The following GLIS1 variants were observed in gnomAD, a reference collection of about 807,000 sequenced individuals.
GLIS1 encodes the protein zinc finger protein GLIS1.
Under a neutral mutation model 63.8 loss-of-function variants are expected in GLIS1, and 24 were observed. That is an observed-to-expected ratio of 0.38 (90% confidence interval 0.27 to 0.53). The LOEUF is 0.53. GLIS1 is among the 20% of genes least tolerant of loss of function. GLIS1 has a pLI of 0.85. For missense variants in GLIS1, 1,036 were observed against 1,074.1 expected (o/e 0.96, Z 0.50); for synonymous variants, 450 against 482.5 (o/e 0.93, Z 0.88).
At chr1:53,606,435 C>T (rs142955839) in intron 2 of GLIS1, among the ~76,000 whole-genome samples, 11 of 152,302 alleles carry the variant, frequency 7.2e-5, no homozygotes, top group Admixed American at 3.9e-4. Flanking sequence ...GGAGGGGCAC[C>T]CCAGGAATCA....
At chr1:53,588,413 T>C (rs1425114939) in intron 4 of GLIS1, among the ~76,000 whole-genome samples, 1 of 152,176 alleles carries the variant, frequency 6.6e-6, no homozygotes, top group East Asian at 1.9e-4. Context: ...CTTCCCCAAC[T>C]TTCGATTATC....
chr1:53,566,796 G>A (rs1557454269), intron 4 of GLIS1, among the ~76,000 whole-genome samples: 1 of 152,056 alleles, frequency 6.6e-6, no homozygotes, highest in Non-Finnish European at 1.5e-5. Flanking sequence ...TTCACCTTCC[G>A]CCATGATTCC....
chr1:53,634,380 G>A (rs1421641087), intron 2 of GLIS1, among the ~76,000 whole-genome samples: 1 of 152,158 alleles, frequency 6.6e-6, no homozygotes, highest in Non-Finnish European at 1.5e-5. Context: ...CCCTGAGCTC[G>A]CCAATGTTTA....
At chr1:53,518,427 C>T (rs1411146466) in intron 7 of GLIS1, among the ~76,000 whole-genome samples, 5 of 152,222 alleles carry the variant, frequency 3.3e-5, no homozygotes, top group Non-Finnish European at 5.9e-5. Flanking sequence ...ACCTGGCACA[C>T]AGTCAATATG....
At chr1:53,507,264 G>T (rs1253937064) in intron 10 of GLIS1, among the ~76,000 whole-genome samples, 1 of 152,170 alleles carries the variant, frequency 6.6e-6, no homozygotes, top group Non-Finnish European at 1.5e-5. Context: ...GCCTCGCTTC[G>T]GCTCCACAAT....
rs147288253 is a variant in GLIS1, at chr1:53,666,159, T to C, written c.260-65881A>G. 6.2e-4 allele frequency among the ~76,000 whole-genome samples: 95 copies of C among 152,312 alleles called. 1 individual carries two copies. The highest frequency in any genetic ancestry group is 2.8e-4 in the Non-Finnish European group (19 of 68,020). On this transcript the variant is annotated intron_variant, in intron 2 of 10. Coordinates refer to ENST00000628545, the MANE Select transcript of GLIS1 (RefSeq NM_001367484.1). ...GCTCAAGGACCTCTGGTCTCAACACTATACTCTGCCATCCCTCACTGCTGA... is the reference window on the plus strand; with the variant it reads ...GCTCAAGGACCTCTGGTCTCAACACCATACTCTGCCATCCCTCACTGCTGA...
At chr1:53,706,830 A>C (rs1260471019) in intron 2 of GLIS1, among the ~76,000 whole-genome samples, 2 of 152,124 alleles carry the variant, frequency 1.3e-5, no homozygotes, top group African/African-American at 4.8e-5. Flanking sequence ...ATGAGCAGGA[A>C]CTCGGGGTAT....
At chr1:53,510,976 G>A (rs542209120) in intron 8 of GLIS1, among the ~76,000 whole-genome samples, 2 of 152,304 alleles carry the variant, frequency 1.3e-5, no homozygotes, top group Non-Finnish European at 2.9e-5. Context: ...GGTGCCCTGA[G>A]CCCAGCCCAG....
At chr1:53,527,035 C>A (rs931747865) in intron 5 of GLIS1, among the ~76,000 whole-genome samples, 1 of 152,228 alleles carries the variant, frequency 6.6e-6, no homozygotes, top group East Asian at 1.9e-4. Context: ...CCTGTGCAGG[C>A]CCCGTGCTGA....
Position 53,574,165 on chromosome 1 carries a change from C to T in GLIS1, c.1320+19943G>A, listed in dbSNP as rs1417637221. Among the ~76,000 whole-genome samples, 2 of 152,168 alleles carry T rather than the reference C, an allele frequency of 1.3e-5. No individual in the cohort carries two copies. Among genetic ancestry groups the T allele is most frequent in the African/African-American group, 4.8e-5 (2 of 41,434 alleles). On this transcript the variant is annotated intron_variant, in intron 4 of 10. Transcript: ENST00000628545. This position sits in a 1 kb window ranked among gnomAD's most constrained non-coding sequence, Gnocchi z 4.2. The stretch of plus-strand genomic sequence containing the variant: ...TCCTGGTTCCAAGTTCCTTCCAGGG[C>T]ACTGTCCGTGAGGCCCTCCCTGGTC...
chr1:53,714,552 C>T (rs996826214), intron 2 of GLIS1, among the ~76,000 whole-genome samples: 2 of 152,232 alleles, frequency 1.3e-5, no homozygotes, highest in African/African-American at 4.8e-5. Flanking sequence ...TTCCAGTCCA[C>T]GATGGTCTGA....
intron 2 of GLIS1, among the ~76,000 whole-genome samples, chr1:53,677,249 C>A (rs577585305): frequency 6.6e-6 from 1 of 152,320 alleles, no homozygotes; most frequent in East Asian, 1.9e-4. Flanking sequence ...TTTTCACCAA[C>A]GAACAAAATT....
chr1:53,633,239 G>A (rs1420459505), intron 2 of GLIS1, among the ~76,000 whole-genome samples: 10 of 141,634 alleles, frequency 7.1e-5, no homozygotes, highest in African/African-American at 2.6e-4. Flanking sequence ...CTGGAGGGGC[G>A]TGTGAAGGGG....
chr1:53,711,844 G>T (rs112551560), intron 2 of GLIS1, among the ~76,000 whole-genome samples: 95 of 152,312 alleles, frequency 6.2e-4, no homozygotes, highest in African/African-American at 2.0e-3. Flanking sequence ...TTGCTGTGTG[G>T]CCTTAAGCAA....
chr1:53,734,599 A>G (rs750851658), intron 2 of GLIS1, among the ~76,000 whole-genome samples: 8 of 152,236 alleles, frequency 5.3e-5, no homozygotes, highest in Non-Finnish European at 1.0e-4. Context: ...AATAACAGCC[A>G]GTATCTGCCC....
chr1:53,574,897 C>A lies in GLIS1; in HGVS notation c.1320+19211G>T. 6.6e-6 allele frequency among the ~76,000 whole-genome samples: 1 copy of A among 152,168 alleles called. No individual in the cohort carries two copies. Among genetic ancestry groups the A allele is most frequent in the Non-Finnish European group, 1.5e-5 (1 of 68,028 alleles). On this transcript the variant is annotated intron_variant, in intron 4 of 10. Coordinates refer to ENST00000628545, the MANE Select transcript of GLIS1 (RefSeq NM_001367484.1). The surrounding 1 kb of genome is among the most constrained non-coding windows in gnomAD (Gnocchi z 4.2). ...CCTCGCCCACAGTCAGGCTCCTTCA[C>A]AGCAACTCTCTTAACAAATGGTGTG... is the stretch of plus-strand genomic sequence containing the variant.
At chr1:53,615,602 C>T (rs1645473237) in intron 2 of GLIS1, among the ~76,000 whole-genome samples, 1 of 152,172 alleles carries the variant, frequency 6.6e-6, no homozygotes, top group African/African-American at 2.4e-5. Context: ...TTAAACTTCT[C>T]AGATTTTACC....
chr1:53,722,818 G>GCA (rs1646769140), intron 2 of GLIS1, among the ~76,000 whole-genome samples: 1 of 149,190 alleles, frequency 6.7e-6, no homozygotes. Context: ...GGGCGACAGT[G>GCA]AGACCCCGTC....
Position 53,511,500 on chromosome 1 carries a change from C to T in GLIS1, c.1884-1473G>A, listed in dbSNP as rs770062165. On this transcript the variant is annotated intron_variant, in intron 8 of 10. Coordinates refer to ENST00000628545, the MANE Select transcript of GLIS1 (RefSeq NM_001367484.1). The surrounding 1 kb of genome is among the most constrained non-coding windows in gnomAD (Gnocchi z 4.2). ...TCATCATCCACACGTGTGGGGCCCCCGTCACTGTGAGCTCGCTGAGGACAG... is the reference window on the plus strand; with the variant it reads ...TCATCATCCACACGTGTGGGGCCCCTGTCACTGTGAGCTCGCTGAGGACAG... Among the ~76,000 whole-genome samples, 14 of 152,186 alleles carry T rather than the reference C, an allele frequency of 9.2e-5. No homozygotes were observed. The highest frequency in any genetic ancestry group is 1.2e-4 in the Non-Finnish European group (8 of 68,040).
Sources: allele counts gnomAD v4.1 joint callset (sites outside exome capture counted in the v4.1 genomes callset), GRCh38; gene constraint gnomAD v4.1.1; non-coding constraint Gnocchi (gnomAD v3.1); transcripts MANE v1.5; gene names NCBI Gene and HGNC (gene_info 2026-07-23, HGNC 2026-07-21).